The following GALNT13 variants were observed in gnomAD, a reference collection of about 807,000 sequenced individuals.
GALNT13 encodes the protein polypeptide N-acetylgalactosaminyltransferase 13, also known as UDP-GalNAc:polypeptide N-acetylgalactosaminyltransferase 13.
A neutral mutation model predicts 64.2 loss-of-function variants in GALNT13; 28 were observed. The ratio of observed to expected loss-of-function variants is 0.44; its 90% CI spans 0.32 to 0.60. The LOEUF (loss-of-function observed/expected upper bound fraction) is 0.60, where lower values mean the gene tolerates loss of function less well. Ranked by LOEUF, GALNT13 falls within the 20% of genes least tolerant of loss-of-function variation. The probability of loss-of-function intolerance (pLI) is 0.05; values close to 1 mark genes in which losing one functional copy is unlikely to be tolerated. For synonymous variants in GALNT13, 214 were observed against 224.6 expected, an observed-to-expected ratio of 0.95 and a Z score of 0.42; for missense variants, 577 against 669.8, an observed-to-expected ratio of 0.86 and a Z score of 1.53.
the GALNT13 span, among the ~76,000 whole-genome samples, chr2:153,837,545 G>A: frequency 1.3e-5 from 2 of 151,858 alleles, no homozygotes; most frequent in African/African-American, 4.8e-5. Context: ...TTAGCATAAT[G>A]TTTTCTAGAT....
chr2:154,166,952 G>A lies in GALNT13; in HGVS notation c.311+26447G>A, dbSNP rs544925898. Among the ~76,000 whole-genome samples, 88 of 150,736 alleles carry A rather than the reference G, an allele frequency of 5.8e-4. 1 individual carries two copies. The highest frequency in any genetic ancestry group is 9.3e-4 in the Admixed American group (14 of 15,076). On this transcript the variant is annotated intron_variant, in intron 4 of 12. Transcript: ENST00000392825. ...TGAGAACACATGGACACAGGAAGGG[G>A]AACATCACACACCGGGGCCTGTTGT...
chr2:153,135,343 A>G, the GALNT13 span, among the ~76,000 whole-genome samples: 1 of 152,156 alleles, frequency 6.6e-6, no homozygotes, highest in Non-Finnish European at 1.5e-5. Flanking sequence ...AATTCAGTCC[A>G]TAGCACTTAT....
At chr2:154,109,453 C>T (rs576136791) in intron 3 of GALNT13, among the ~76,000 whole-genome samples, 5 of 152,048 alleles carry the variant, frequency 3.3e-5, no homozygotes, top group African/African-American at 1.2e-4. Context: ...CTTTTCTATT[C>T]AGATGACTTT....
chr2:154,397,901 G>A (rs1699130077), intron 10 of GALNT13, among the ~76,000 whole-genome samples: 1 of 152,110 alleles, frequency 6.6e-6, no homozygotes, highest in African/African-American at 2.4e-5. Flanking sequence ...GTACCTCAAA[G>A]TATTTTTTTG....
At position 154,195,689 on chromosome 2, in the gene GALNT13, T is replaced by TA. The variant is rs1349645693; in HGVS notation, c.312-46336dup. 7.9e-5 allele frequency among the ~76,000 whole-genome samples: 12 copies of TA among 152,150 alleles called. No homozygotes were observed. The East Asian group carries it at 2.1e-3, about 27-fold the overall frequency. ...GAGCTCAGAGCTTCTTTGTGGTAATTAAAAATGAGCCTCTTCAAATTTTGA... is the reference window on the plus strand; with the variant it reads ...GAGCTCAGAGCTTCTTTGTGGTAATTAAAAAATGAGCCTCTTCAAATTTTGA... On this transcript the variant is annotated intron_variant, in intron 4 of 12. Transcript: ENST00000392825.
At chr2:153,625,607 T>C in the GALNT13 span, among the ~76,000 whole-genome samples, 1 of 152,158 alleles carries the variant, frequency 6.6e-6, no homozygotes, top group Non-Finnish European at 1.5e-5. Flanking sequence ...GTTCTGTTCA[T>C]TGTTCTCCAT....
intron 3 of GALNT13, among the ~76,000 whole-genome samples, chr2:154,118,212 A>G (rs1158073408): frequency 6.7e-6 from 1 of 149,956 alleles, no homozygotes; most frequent in Non-Finnish European, 1.5e-5. Flanking sequence ...GGTGCGGTGC[A>G]TATATATTTA....
chr2:153,619,873 T>G, the GALNT13 span, among the ~76,000 whole-genome samples: 1 of 152,124 alleles, frequency 6.6e-6, no homozygotes, highest in Non-Finnish European at 1.5e-5. Context: ...TTACAATCCT[T>G]TTTTAAAAAT....
chr2:154,128,217 A>T (rs1184653169), intron 3 of GALNT13, among the ~76,000 whole-genome samples: 2 of 152,060 alleles, frequency 1.3e-5, no homozygotes, highest in African/African-American at 4.8e-5. Flanking sequence ...TAAGTTTTGG[A>T]ACTAGCATAT....
chr2:153,669,768 A>G, the GALNT13 span, among the ~76,000 whole-genome samples: 1 of 152,136 alleles, frequency 6.6e-6, no homozygotes, highest in Non-Finnish European at 1.5e-5. Context: ...TTTCATAGTC[A>G]AGGGAAGCCG....
chr2:153,207,259 G>A, the GALNT13 span, among the ~76,000 whole-genome samples: 1 of 152,052 alleles, frequency 6.6e-6, no homozygotes, highest in Non-Finnish European at 1.5e-5. Context: ...GTCTTTCCAT[G>A]ATGCGTTTTA....
chr2:154,449,951 T>C (rs529334031), intron 12 of GALNT13, among the ~76,000 whole-genome samples: 1 of 152,162 alleles, frequency 6.6e-6, no homozygotes, highest in Admixed American at 6.6e-5. Context: ...ATAGCTTGTT[T>C]AGTATTTTGA....
chr2:153,834,815 A>G, the GALNT13 span, among the ~76,000 whole-genome samples: 2 of 152,118 alleles, frequency 1.3e-5, no homozygotes, highest in African/African-American at 2.4e-5. Flanking sequence ...CTGACAAAAC[A>G]TGAGGTGGAG....
chr2:153,891,952 C>T (rs144803332), intron 1 of GALNT13, among the ~76,000 whole-genome samples: 8 of 152,096 alleles, frequency 5.3e-5, no homozygotes, highest in South Asian at 2.1e-4. Flanking sequence ...TCTTTGCTCA[C>T]GTTGCTTTGC....
chr2:153,206,193 G>T, the GALNT13 span, among the ~76,000 whole-genome samples: 3 of 152,090 alleles, frequency 2.0e-5, no homozygotes, highest in East Asian at 5.8e-4. Flanking sequence ...AGAATTTGAG[G>T]GTTTGTTGTG....
chr2:153,924,420 A>C (rs1016239390), intron 2 of GALNT13, among the ~76,000 whole-genome samples: 3 of 152,112 alleles, frequency 2.0e-5, no homozygotes, highest in African/African-American at 7.2e-5. Context: ...ATAATATTCC[A>C]TGGTGTATAT....
the GALNT13 span, among the ~76,000 whole-genome samples, chr2:153,457,260 G>A: frequency 2.0e-5 from 3 of 152,174 alleles, no homozygotes; most frequent in African/African-American, 7.2e-5. Context: ...TCATAAAGTA[G>A]GTAAATACTT....
chr2:153,811,484 C>T, the GALNT13 span, among the ~76,000 whole-genome samples: 1,569 of 152,194 alleles, frequency 0.01, 11 homozygotes, highest in Admixed American at 0.017. Context: ...TTATATATGT[C>T]TTATTTGTGT....
intron 4 of GALNT13, among the ~76,000 whole-genome samples, chr2:154,201,235 G>A (rs531836928): frequency 6.6e-6 from 1 of 152,088 alleles, no homozygotes; most frequent in Non-Finnish European, 1.5e-5. Flanking sequence ...AGTTAATAAA[G>A]ACAATAGAAA....
Sources: allele counts gnomAD v4.1 joint callset (sites outside exome capture counted in the v4.1 genomes callset), GRCh38; gene constraint gnomAD v4.1.1; transcripts MANE v1.5; gene names NCBI Gene and HGNC (gene_info 2026-07-23, HGNC 2026-07-21).